Variants in CADPS2 observed in about 807,000 individuals in gnomAD.
CADPS2 encodes calcium dependent secretion activator 2.
In CADPS2, 93 loss-of-function variants were observed where a neutral mutation model predicts 172.5. The ratio of observed to expected loss-of-function variants is 0.54; its 90% confidence interval spans 0.46 to 0.64. CADPS2 has a LOEUF of 0.64. Among genes scored for constraint, CADPS2 ranks in the 30% least tolerant of loss-of-function variants. The pLI is 0.00. For synonymous variants in CADPS2, 546 were observed against 555.2 expected, an observed-to-expected ratio of 0.98 and a Z score of 0.23; for missense variants, 1,420 against 1,565.9, an observed-to-expected ratio of 0.91 and a Z score of 1.57.
At chr7:122,433,656 G>C (rs992392839) in intron 17 of CADPS2, among the ~76,000 whole-genome samples, 3 of 152,114 alleles carry the variant, frequency 2.0e-5, no homozygotes, top group Non-Finnish European at 2.9e-5. Flanking sequence ...ACCCATTTTG[G>C]CTCCCCAAAG....
At position 122,701,899 on chromosome 7, in the gene CADPS2, G is replaced by C. The variant is rs555750587; in HGVS notation, c.453+35056C>G. ...TATGGGCTAAAAGCCAGGGGTCAAT[G>C]CATGCCTTATGGAAAAAATGTTTGC... On this transcript the variant is annotated intron_variant, in intron 2 of 29. Coordinates refer to ENST00000449022, the MANE Select transcript of CADPS2 (RefSeq NM_017954.11). 5 of 1,613,484 alleles carry C rather than the reference G, an allele frequency of 3.1e-6. No homozygotes were observed. In the East Asian group the frequency reaches 1.1e-4, roughly 36 times the overall value.
At chr7:122,581,457 A>G (rs949393270) in intron 6 of CADPS2, among the ~76,000 whole-genome samples, 167 bp from the exon 7 acceptor site, 3 of 152,198 alleles carry the variant, frequency 2.0e-5, no homozygotes, top group African/African-American at 7.2e-5. Flanking sequence ...GGAAAAGAAC[A>G]ATAAGCTTTA....
In CADPS2 at chr7:122,705,760, TA is replaced by T. The variant is rs1564122955; in HGVS notation, c.453+31194del. 2.2e-3 allele frequency among the ~76,000 whole-genome samples: 22 copies of T among 10,140 alleles called. 4 individuals carry two copies. The highest frequency in any genetic ancestry group is 5.9e-3 in the African/African-American group (22 of 3,704). The allele number at this position is 10,140 out of a possible 152,430, so 6.7% of individuals were successfully genotyped here. On this transcript the variant is annotated intron_variant, in intron 2 of 29. Transcript: ENST00000449022. ...TATAATATATAATATATATAATATA[TA>T]ATATATGATATATTATATAATATAT...
chr7:122,615,090 C>A, intron 6 of CADPS2, 91 bp downstream of exon 6: 2 of 683,828 alleles, frequency 2.9e-6, no homozygotes, highest in Non-Finnish European at 4.7e-6. Context: ...AGGGTAATAC[C>A]ACACATTTAT....
At chr7:122,424,965 G>C (rs1267238083) in intron 17 of CADPS2, among the ~76,000 whole-genome samples, 1 of 152,092 alleles carries the variant, frequency 6.6e-6, no homozygotes, top group Non-Finnish European at 1.5e-5. Flanking sequence ...CCAGCTAATT[G>C]TGTAATAGCT....
At chr7:122,544,319 T>C (rs1402326118) in intron 8 of CADPS2, among the ~76,000 whole-genome samples, 1 of 152,188 alleles carries the variant, frequency 6.6e-6, no homozygotes, top group African/African-American at 2.4e-5. Context: ...TTAATCCAGC[T>C]CCATGCATTT....
chr7:122,811,780 A>G (rs2190256), intron 1 of CADPS2, among the ~76,000 whole-genome samples: 30,224 of 152,024 alleles, frequency 0.2, 3,132 homozygotes, highest in Middle Eastern at 0.3. Context: ...ACGTCAACAT[A>G]TTTCTTTGAT....
intron 8 of CADPS2, among the ~76,000 whole-genome samples, chr7:122,550,517 C>T (rs1164988782): frequency 6.6e-6 from 1 of 152,082 alleles, no homozygotes; most frequent in African/African-American, 2.4e-5. Context: ...ATAATGCTTC[C>T]ACATATTTGT....
intron 15 of CADPS2, among the ~76,000 whole-genome samples, chr7:122,445,663 A>G (rs2052071208): frequency 6.6e-6 from 1 of 152,142 alleles, no homozygotes; most frequent in Admixed American, 6.5e-5. Flanking sequence ...GTAAAAGAAA[A>G]TATTATCTGC....
chr7:122,357,875 C>A (rs1041022291), intron 27 of CADPS2, among the ~76,000 whole-genome samples: 1 of 152,062 alleles, frequency 6.6e-6, no homozygotes, highest in African/African-American at 2.4e-5. Context: ...TATACATTGA[C>A]GTACTACAGG....
chr7:122,725,368 T>A (rs1441673521), intron 2 of CADPS2, among the ~76,000 whole-genome samples: 1 of 151,904 alleles, frequency 6.6e-6, no homozygotes, highest in Non-Finnish European at 1.5e-5. Context: ...TATATGCATA[T>A]GCGTGTGTGT....
chr7:122,660,413 C>A (rs1206041040), intron 3 of CADPS2, among the ~76,000 whole-genome samples: 1 of 151,866 alleles, frequency 6.6e-6, no homozygotes, highest in Non-Finnish European at 1.5e-5. Context: ...CCAAAAGACA[C>A]AAAATGGAAT....
chr7:122,577,272 G>A (rs1023532251), intron 7 of CADPS2, among the ~76,000 whole-genome samples: 4 of 152,008 alleles, frequency 2.6e-5, no homozygotes, highest in African/African-American at 9.7e-5. Context: ...CTAATACTGC[G>A]TATAACACAC....
intron 23 of CADPS2, 108 bp from the exon 24 acceptor site, chr7:122,387,281 A>G: frequency 8.6e-7 from 1 of 1,157,456 alleles, no homozygotes; most frequent in Non-Finnish European, 1.2e-6. Flanking sequence ...ACATGCAAAT[A>G]AGGAGTAAGC....
chr7:122,451,252 G>T (rs938799119), intron 15 of CADPS2, 122 bp downstream of exon 15: 8 of 446,040 alleles, frequency 1.8e-5, no homozygotes, highest in Non-Finnish European at 2.7e-5. Context: ...TACCCTGCAG[G>T]CAAGGGAGGG....
intron 2 of CADPS2, among the ~76,000 whole-genome samples, chr7:122,677,622 C>A (rs2082519553): frequency 6.6e-6 from 1 of 152,114 alleles, no homozygotes; most frequent in Non-Finnish European, 1.5e-5. Context: ...AAAGAAGGTG[C>A]TAGTATTTAT....
At chr7:122,835,950 G>C (rs965379495) in intron 1 of CADPS2, among the ~76,000 whole-genome samples, 6 of 152,100 alleles carry the variant, frequency 3.9e-5, no homozygotes, top group East Asian at 3.9e-4. Flanking sequence ...TACTCCTCGA[G>C]AAGAGCAACT....
chr7:122,506,236 A>C (rs1030068915), intron 9 of CADPS2, among the ~76,000 whole-genome samples: 6 of 152,196 alleles, frequency 3.9e-5, no homozygotes, highest in African/African-American at 1.4e-4. Flanking sequence ...TTCTGAACAA[A>C]GCTTATATAA....
At chr7:122,581,355 T>A in intron 6 of CADPS2, 65 bp from the exon 7 acceptor site, 1 of 1,274,276 alleles carries the variant, frequency 7.8e-7, no homozygotes. Flanking sequence ...AGGAGATGTG[T>A]CTCCATAGAA....
Sources: allele counts gnomAD v4.1 joint callset (sites outside exome capture counted in the v4.1 genomes callset), GRCh38; gene constraint gnomAD v4.1.1; transcripts MANE v1.5; gene names NCBI Gene and HGNC (gene_info 2026-07-23, HGNC 2026-07-21).